CELF2: variants seen among roughly 807,000 people sequenced by gnomAD.
The protein encoded by CELF2 is CUG triplet repeat RNA-binding protein 2.
Under a neutral mutation model 62.6 loss-of-function variants are expected in CELF2, and 8 were observed. That is an observed-to-expected ratio of 0.13 (90% confidence interval 0.07 to 0.23). The LOEUF is 0.23. Among genes scored for constraint, CELF2 ranks in the 10% least tolerant of loss-of-function variants. The probability of loss-of-function intolerance (pLI) is 1.00; values close to 1 mark genes in which losing one functional copy is unlikely to be tolerated. For missense variants in CELF2, 333 were observed against 671.0 expected, an observed-to-expected ratio of 0.50 and a Z score of 5.56; for synonymous variants, 258 against 250.0, an observed-to-expected ratio of 1.03 and a Z score of -0.30.
the CELF2 span, among the ~76,000 whole-genome samples, chr10:10,714,119 T>C: frequency 2.3e-4 from 35 of 152,258 alleles, no homozygotes; most frequent in African/African-American, 7.2e-4. Flanking sequence ...TTTCAGGTAG[T>C]CTTTAGATGG....
intron 1 of CELF2, among the ~76,000 whole-genome samples, chr10:11,112,091 A>G (rs764358861): frequency 6.6e-6 from 1 of 152,200 alleles, no homozygotes; most frequent in Non-Finnish European, 1.5e-5. Context: ...TTGTACCTTT[A>G]CATATACATG....
the CELF2 span, among the ~76,000 whole-genome samples, chr10:10,732,772 C>T: frequency 0.053 from 8,026 of 152,226 alleles, 709 homozygotes; most frequent in African/African-American, 0.18. Context: ...GACCCGCCTG[C>T]CTTGGCCTTC....
intron 1 of CELF2, among the ~76,000 whole-genome samples, chr10:10,861,240 GT>G (rs1234551159): frequency 3.3e-5 from 5 of 152,052 alleles, no homozygotes; most frequent in Non-Finnish European, 5.9e-5. Context: ...CACTCAGCTA[GT>G]TTTTTAACTT....
chr10:10,904,649 T>A (rs2063193569), intron 1 of CELF2, among the ~76,000 whole-genome samples: 1 of 152,196 alleles, frequency 6.6e-6, no homozygotes, highest in Admixed American at 6.5e-5. Flanking sequence ...TGCAGGTTGT[T>A]TCTGTTGCAG....
the CELF2 span, among the ~76,000 whole-genome samples, chr10:10,713,366 G>C: frequency 2.0e-4 from 31 of 152,302 alleles, no homozygotes; most frequent in African/African-American, 7.2e-4. Flanking sequence ...TGTCCCCAGA[G>C]CCTAGAACAG....
chr10:10,601,647 AAAAC>A, the CELF2 span, among the ~76,000 whole-genome samples: 3 of 152,144 alleles, frequency 2.0e-5, no homozygotes, highest in African/African-American at 7.2e-5. Flanking sequence ...ATTCTGTCTT[AAAAC>A]AAACAAAAAA....
intron 2 of CELF2, chr10:10,960,405 T>G (rs1457269257): frequency 6.6e-6 from 1 of 152,238 alleles, no homozygotes; most frequent in Non-Finnish European, 1.5e-5. Context: ...GTAGAAACAT[T>G]ATACTGTTAA....
chr10:11,157,850 A>G lies in CELF2; in HGVS notation c.75-7636A>G, dbSNP rs2064857366. Reference sequence around the variant, plus strand: ...TTCTCTTGCATAAATAAGTCCAGGCAAAGTATCTTCAGTGGTGAAAACAGA... The same window carrying G: ...TTCTCTTGCATAAATAAGTCCAGGCGAAGTATCTTCAGTGGTGAAAACAGA... On this transcript the variant is annotated intron_variant, in intron 1 of 12. Transcript: ENST00000633077. This position sits in a 1 kb window ranked among gnomAD's most constrained non-coding sequence, Gnocchi z 4.9. Among the ~76,000 whole-genome samples the G allele has an allele frequency of 6.6e-6, 1 of 152,342 alleles. No homozygotes were observed. The highest frequency in any genetic ancestry group is 1.5e-5 in the Non-Finnish European group (1 of 68,032).
intron 1 of CELF2, among the ~76,000 whole-genome samples, chr10:10,862,627 GTCAGC>G (rs1392809864): frequency 6.6e-6 from 1 of 152,192 alleles, no homozygotes; most frequent in Non-Finnish European, 1.5e-5. Flanking sequence ...TGTCATTACG[GTCAGC>G]TCAGATTCAA....
intron 5 of CELF2, among the ~76,000 whole-genome samples, chr10:11,258,988 T>C (rs750815953): frequency 6.6e-6 from 1 of 152,220 alleles, no homozygotes; most frequent in Non-Finnish European, 1.5e-5. Context: ...CCAGCCTGTG[T>C]TTTTCACTTC....
At chr10:10,646,261 C>T in the CELF2 span, among the ~76,000 whole-genome samples, 9,163 of 152,220 alleles carry the variant, frequency 0.06, 358 homozygotes, top group African/African-American at 0.11. Flanking sequence ...CAAAGTTCAC[C>T]TACTTCACAA....
the CELF2 span, among the ~76,000 whole-genome samples, chr10:10,686,824 A>G: frequency 1.3e-5 from 2 of 152,116 alleles, no homozygotes; most frequent in Non-Finnish European, 2.9e-5. Context: ...AGACTGATAC[A>G]AGCAGGAAGT....
intron 2 of CELF2, among the ~76,000 whole-genome samples, chr10:10,999,084 A>T (rs2054260132): frequency 6.6e-6 from 1 of 152,224 alleles, no homozygotes; most frequent in Non-Finnish European, 1.5e-5. Flanking sequence ...CAAATCCTTA[A>T]AGTTAGGAAC....
intron 1 of CELF2, among the ~76,000 whole-genome samples, chr10:11,071,366 G>A (rs77609171): frequency 2.0e-3 from 311 of 152,286 alleles, no homozygotes; most frequent in African/African-American, 6.6e-3. Context: ...CATTACCTCC[G>A]TTTTACAGAT....
At chr10:10,658,188 C>A in the CELF2 span, among the ~76,000 whole-genome samples, 7 of 152,110 alleles carry the variant, frequency 4.6e-5, no homozygotes, top group East Asian at 1.2e-3. Context: ...TCAAAAAAAA[C>A]CCTAATACAT....
At position 11,046,230 on chromosome 10, in the gene CELF2, G is replaced by C. The variant is rs1037218036; in HGVS notation, c.74+28067G>C. ...CCGAACGCTGGGCCCATCCCCAGAC[G>C]TTCCGATTCAGCGGGTCCAAGGTGG... On this transcript the variant is annotated intron_variant, in intron 1 of 12. Coordinates refer to ENST00000633077, the MANE Select transcript of CELF2 (RefSeq NM_001326342.2). The surrounding 1 kb of genome is among the most constrained non-coding windows in gnomAD (Gnocchi z 4.6). Among the ~76,000 whole-genome samples, 4 of 152,178 alleles carry C rather than the reference G, an allele frequency of 2.6e-5. No individual in the cohort carries two copies. The highest frequency in any genetic ancestry group is 5.9e-5 in the Non-Finnish European group (4 of 68,028).
At chr10:10,703,367 G>A in the CELF2 span, among the ~76,000 whole-genome samples, 10 of 152,156 alleles carry the variant, frequency 6.6e-5, no homozygotes, top group Non-Finnish European at 1.0e-4. Flanking sequence ...TGATTCCAGG[G>A]CACAGGTTTC....
rs190970771 is a variant in CELF2 at position 10,994,327 on chromosome 10, T to C, written c.89+74328T>C. The stretch of plus-strand genomic sequence containing the variant: ...ACCTGTCAGCTACCTGCCACCAAAA[T>C]TGTCCTTCACTTTCTCATTGATGTA... On this transcript the variant is annotated intron_variant, in intron 2 of 13. Coordinates refer to the CELF2 transcript ENST00000636488. Among the ~76,000 whole-genome samples, 128 of 152,320 alleles carry C rather than the reference T, an allele frequency of 8.4e-4. 2 individuals carry two copies. The highest frequency in any genetic ancestry group is 2.1e-3 in the South Asian group (10 of 4,820).
Position 11,036,305 on chromosome 10 carries a change from T to G in CELF2, c.74+18142T>G, listed in dbSNP as rs914257191. Among the ~76,000 whole-genome samples, 10 of 152,398 alleles carry G rather than the reference T, an allele frequency of 6.6e-5. No homozygotes were observed. In the South Asian group the frequency reaches 1.9e-3, roughly 28 times the overall value. On this transcript the variant is annotated intron_variant, in intron 1 of 12. Transcript: ENST00000633077. ...TGTATTTGTACGATGTAACTTTGTT[T>G]AGAGGCTATAGCTTCTACTGAATTT...
Sources: gnomAD v4.1 joint callset for allele counts (sites outside exome capture counted in the v4.1 genomes callset) on GRCh38, gnomAD v4.1.1 for gene constraint, Gnocchi (gnomAD v3.1) non-coding constraint, MANE v1.5 for transcripts, NCBI Gene and HGNC (gene_info 2026-07-23, HGNC 2026-07-21) for gene names.